MAST4: variants seen among roughly 807,000 people sequenced by gnomAD.
MAST4 encodes the protein microtubule-associated serine/threonine-protein kinase 4.
MAST4 carries 89 observed loss-of-function variants against 162.7 expected under a neutral mutation model. The ratio of observed to expected loss-of-function variants is 0.55; its 90% CI spans 0.46 to 0.65. The LOEUF (loss-of-function observed/expected upper bound fraction) is 0.65, where lower values mean the gene tolerates loss of function less well. Among genes scored for constraint, MAST4 ranks in the 30% least tolerant of loss-of-function variants. The pLI, the probability that MAST4 is intolerant of heterozygous loss-of-function variation, is 0.00. For missense variants in MAST4, 3,153 were observed against 3,374.0 expected (o/e 0.93, Z 1.62); for synonymous variants, 1,479 against 1,361.1 (o/e 1.09, Z -1.91).
At chr5:67,004,757 C>T in intron 4 of MAST4, 1 of 481,580 alleles carries the variant, frequency 2.1e-6, no homozygotes, top group Non-Finnish European at 3.8e-6. Flanking sequence ...AAATCAGTTT[C>T]CCGGACCTTT....
At chr5:66,644,713 T>C (rs1745708113) in intron 1 of MAST4, among the ~76,000 whole-genome samples, 1 of 151,824 alleles carries the variant, frequency 6.6e-6, no homozygotes, top group African/African-American at 2.4e-5. Context: ...TGATGAGTTA[T>C]GATTCTTTGT....
intron 3 of MAST4, among the ~76,000 whole-genome samples, chr5:66,897,466 G>A (rs377608729): frequency 5.3e-5 from 8 of 152,198 alleles, no homozygotes; most frequent in African/African-American, 1.4e-4. Flanking sequence ...TGCTCCCCGC[G>A]CAGGCTGCAA....
At chr5:67,132,796 A>T (rs1769149675) in intron 16 of MAST4, among the ~76,000 whole-genome samples, 1 of 152,116 alleles carries the variant, frequency 6.6e-6, no homozygotes, top group Non-Finnish European at 1.5e-5. Context: ...TCATTCTACA[A>T]AATTTGAAAA....
chr5:67,102,430 C>A, intron 8 of MAST4, 106 bp from the exon 9 acceptor site: 3 of 993,474 alleles, frequency 3.0e-6, no homozygotes, highest in South Asian at 1.3e-5. Flanking sequence ...ACTTTTCTTA[C>A]AAAGGTTGCA....
chr5:66,797,339 C>T (rs1755699388), intron 3 of MAST4, among the ~76,000 whole-genome samples: 1 of 152,122 alleles, frequency 6.6e-6, no homozygotes, highest in Admixed American at 6.5e-5. Flanking sequence ...GTTATTGTGG[C>T]TCTGGGAAAA....
intron 4 of MAST4, among the ~76,000 whole-genome samples, chr5:66,988,166 G>T (rs1007504859): frequency 2.6e-5 from 4 of 152,148 alleles, no homozygotes; most frequent in African/African-American, 9.7e-5. Context: ...AGAGGGAAGA[G>T]ACTCTAGTAT....
At position 67,160,468 on chromosome 5, in the gene MAST4, G is replaced by A; in HGVS notation, c.3661G>A (p.Val1221Met). ...ATCTTTTCTTTAGAGTGGGAATAAG[G>A]TGTCAATCACTACTACCCCATTTGA... Reference protein sequence around the residue: ...IELLLKSGNKVSITTTPFENT... With the variant: ...IELLLKSGNKMSITTTPFENT... The change falls in exon 27 of 29, where the codon GTG becomes ATG. Residue 1221 changes from valine (V) to methionine (M), a missense_variant. This residue lies in a region of MAST4 where 619 missense variants were observed against 744.2 expected (regional missense o/e 0.83). Transcript: ENST00000403625. The A allele has an allele frequency of 1.2e-6, 2 of 1,610,388 alleles. No homozygotes were observed. Among genetic ancestry groups the A allele is most frequent in the Non-Finnish European group, 1.7e-6 (2 of 1,178,268 alleles).
At chr5:66,779,647 C>T (rs548994741) in intron 2 of MAST4, among the ~76,000 whole-genome samples, 12 of 152,234 alleles carry the variant, frequency 7.9e-5, no homozygotes, top group Admixed American at 6.5e-4. Flanking sequence ...TGCGGGAGCA[C>T]AGCTGAAGAT....
At chr5:67,058,944 A>G (rs1400398377) in intron 5 of MAST4, among the ~76,000 whole-genome samples, 1 of 152,246 alleles carries the variant, frequency 6.6e-6, no homozygotes, top group Non-Finnish European at 1.5e-5. Flanking sequence ...AACAACATGC[A>G]TTTATTAATC....
At chr5:66,907,159 G>A (rs13181658) in intron 4 of MAST4, among the ~76,000 whole-genome samples, 548 of 3,270 alleles carry the variant, frequency 0.17, 22 homozygotes, top group African/African-American at 0.3. Context: ...TCAGCAAAGC[G>A]AGAGAGAGAG....
intron 4 of MAST4, among the ~76,000 whole-genome samples, chr5:67,026,150 A>G (rs1057334972): frequency 6.6e-6 from 1 of 152,234 alleles, no homozygotes; most frequent in Non-Finnish European, 1.5e-5. Context: ...ATCAAGGTCT[A>G]AATATACAAT....
intron 4 of MAST4, among the ~76,000 whole-genome samples, chr5:66,971,954 T>C (rs1363031506): frequency 6.6e-6 from 1 of 152,120 alleles, no homozygotes. Flanking sequence ...GTGATGATAA[T>C]GTGAAACTCA....
In MAST4 at chr5:67,054,730, T is replaced by C. The variant is rs57705694; in HGVS notation, c.763+238T>C. ...TGGGGTCTCTTTTTAATTATTTCTTTCTCCATTTCTAAATGCCTGGATGAT... is the reference window on the plus strand; with the variant it reads ...TGGGGTCTCTTTTTAATTATTTCTTCCTCCATTTCTAAATGCCTGGATGAT... On this transcript the variant is annotated intron_variant, in intron 5 of 28. Transcript: ENST00000403625. Among the ~76,000 whole-genome samples, 1,508 of 152,324 alleles carry C rather than the reference T, an allele frequency of 9.9e-3. 21 individuals are homozygous for C. Among genetic ancestry groups the C allele is most frequent in the African/African-American group, 0.034 (1,429 of 41,584 alleles).
At chr5:66,682,669 G>T (rs4700148) in intron 1 of MAST4, among the ~76,000 whole-genome samples, 2 of 152,188 alleles carry the variant, frequency 1.3e-5, no homozygotes, top group African/African-American at 4.8e-5. Flanking sequence ...AGAGAGTGCC[G>T]TTGGTAGCAA....
chr5:66,674,400 A>T (rs1747818420), intron 1 of MAST4, among the ~76,000 whole-genome samples: 1 of 152,226 alleles, frequency 6.6e-6, no homozygotes, highest in African/African-American at 2.4e-5. Context: ...ACAAGGATAC[A>T]TGACTACTAC....
At chr5:67,090,258 T>C (rs1237485633) in intron 6 of MAST4, 27 bp downstream of exon 6, 2 of 1,564,440 alleles carry the variant, frequency 1.3e-6, no homozygotes, top group African/African-American at 2.7e-5. Context: ...AGTGGAGGCA[T>C]AAGGTCTTAT....
In MAST4 at chr5:67,165,400, A is replaced by T. The variant is rs201979057; in HGVS notation, c.6221A>T (p.Lys2074Met). ...ATTCCCTGTGAGAAGGAGCTGGGCA[A>T]GGTGAGGCGTGGCGTGGAACCCAAG... is the stretch of plus-strand genomic sequence containing the variant. ...AGIPCEKELG[K>M]VRRGVEPKPE... Residue 2074 changes from lysine (K) to methionine (M), a missense_variant, in exon 29 of 29, where the codon AAG becomes ATG. Lys to Met is a moderately conservative substitution (Grantham distance 95). Around this residue, in one of 7 missense-constraint regions of MAST4, gnomAD observed 1,644 missense variants for 1,495.0 expected, o/e 1.10. Transcript: ENST00000403625. 1 of 1,613,842 alleles carries T rather than the reference A, an allele frequency of 6.2e-7. No individual in the cohort carries two copies. The highest frequency in any genetic ancestry group is 1.7e-5 in the Admixed American group (1 of 60,032).
At chr5:66,964,529 C>T (rs548561343) in intron 4 of MAST4, among the ~76,000 whole-genome samples, 95 of 152,300 alleles carry the variant, frequency 6.2e-4, no homozygotes, top group African/African-American at 2.1e-3. Flanking sequence ...GGGCTGGGCA[C>T]GGTGGCTCAT....
At chr5:66,904,205 G>A (rs1763196322) in intron 4 of MAST4, among the ~76,000 whole-genome samples, 1 of 152,166 alleles carries the variant, frequency 6.6e-6, no homozygotes, top group African/African-American at 2.4e-5. Flanking sequence ...AGCCCAAGAT[G>A]TGAGTCCAAG....
Sources: gnomAD v4.1 joint callset for allele counts (sites outside exome capture counted in the v4.1 genomes callset) on GRCh38, gnomAD v4.1.1 for gene constraint, gnomAD v4.1.1 regional missense constraint, MANE v1.5 for transcripts, NCBI Gene and HGNC (gene_info 2026-07-23, HGNC 2026-07-21) for gene names.